The following MEI4 variants were observed in gnomAD, a reference collection of about 807,000 sequenced individuals.
The protein encoded by MEI4 is meiotic double-stranded break formation protein 4.
A neutral mutation model predicts 31.4 loss-of-function variants in MEI4; 27 were observed. The observed-to-expected ratio is 0.86, with a 90% CI of 0.63 to 1.19. MEI4 has a LOEUF of 1.19. Among genes scored for constraint, MEI4 ranks in the 50% most tolerant of loss-of-function variants. The probability of loss-of-function intolerance (pLI) is 0.00; values close to 1 mark genes in which losing one functional copy is unlikely to be tolerated. For missense variants in MEI4, 329 were observed against 398.9 expected (o/e 0.82, Z 1.49); for synonymous variants, 122 against 145.4 (o/e 0.84, Z 1.16).
At chr6:77,694,090 C>CT (rs1480730699) in intron 2 of MEI4, among the ~76,000 whole-genome samples, 2 of 151,460 alleles carry the variant, frequency 1.3e-5, no homozygotes, top group East Asian at 1.9e-4. Flanking sequence ...TTCTTTCTTT[C>CT]TTTTTTTTAA....
intron 4 of MEI4, among the ~76,000 whole-genome samples, chr6:77,849,432 T>C (rs1165201790): frequency 3.3e-5 from 5 of 152,100 alleles, no homozygotes; most frequent in African/African-American, 7.2e-5. Flanking sequence ...GTGAGAGGGG[T>C]GAACTGACAG....
intron 4 of MEI4, among the ~76,000 whole-genome samples, chr6:77,909,931 C>CATATA (rs1324620684): frequency 5.3e-5 from 8 of 152,122 alleles, no homozygotes; most frequent in African/African-American, 1.7e-4. Flanking sequence ...TGTAATCCAG[C>CATATA]ATATAAATAG....
At chr6:77,660,794 A>C (rs1768490348) in intron 1 of MEI4, among the ~76,000 whole-genome samples, 1 of 152,106 alleles carries the variant, frequency 6.6e-6, no homozygotes, top group African/African-American at 2.4e-5. Context: ...GGAATGGTGA[A>C]CCCAGTGGGG....
intron 4 of MEI4, among the ~76,000 whole-genome samples, chr6:77,907,448 C>T (rs1766322515): frequency 6.6e-6 from 1 of 152,104 alleles, no homozygotes; most frequent in African/African-American, 2.4e-5. Context: ...TCATCCATGT[C>T]CCTACAAAGG....
rs1768101816 is a variant in MEI4, at chr6:77,763,866, T to C, written c.768+2201T>C. Among the ~76,000 whole-genome samples, 6 of 151,898 alleles carry C rather than the reference T, an allele frequency of 4.0e-5. No individual in the cohort carries two copies. In the South Asian group the frequency reaches 1.2e-3, roughly 31 times the overall value. ...GTCTCACTCTGTCACCAGGTTGGAG[T>C]GCCGTGGCACAATCTTGGCTCACTG... On this transcript the variant is annotated intron_variant, in intron 3 of 4. Coordinates refer to ENST00000684080, the MANE Select transcript of MEI4 (RefSeq NM_001322247.2).
chr6:77,734,715 G>A (rs1190686630), intron 2 of MEI4, among the ~76,000 whole-genome samples: 2 of 151,844 alleles, frequency 1.3e-5, no homozygotes, highest in Non-Finnish European at 2.9e-5. Context: ...AGTTGATGCA[G>A]TTTCTTCCTA....
At chr6:77,872,815 G>C (rs1771230705) in intron 4 of MEI4, among the ~76,000 whole-genome samples, 1 of 146,858 alleles carries the variant, frequency 6.8e-6, no homozygotes, top group African/African-American at 2.5e-5. Context: ...CCACCTATGA[G>C]TGAGAACATG....
At chr6:77,828,516 T>C (rs1770007718) in intron 3 of MEI4, among the ~76,000 whole-genome samples, 2 of 152,050 alleles carry the variant, frequency 1.3e-5, no homozygotes, top group South Asian at 4.1e-4. Flanking sequence ...CCCCCTTCCA[T>C]GGAAAAATTG....
chr6:77,884,314 T>C (rs932425330), intron 4 of MEI4, among the ~76,000 whole-genome samples: 1 of 152,186 alleles, frequency 6.6e-6, no homozygotes, highest in Non-Finnish European at 1.5e-5. Flanking sequence ...GTTCCTTCAC[T>C]CTGTTGATTT....
chr6:77,684,882 G>A (rs1253454004), intron 1 of MEI4, among the ~76,000 whole-genome samples: 1 of 152,110 alleles, frequency 6.6e-6, no homozygotes, highest in Non-Finnish European at 1.5e-5. Flanking sequence ...TGAGATTGCT[G>A]CACATATGGT....
At chr6:77,719,350 C>T (rs1386206406) in intron 2 of MEI4, among the ~76,000 whole-genome samples, 1 of 134,708 alleles carries the variant, frequency 7.4e-6, no homozygotes, top group African/African-American at 2.9e-5. Context: ...TTACCCGTGG[C>T]CTGAGTGACA....
At chr6:77,850,737 A>G (rs1161877781) in intron 4 of MEI4, among the ~76,000 whole-genome samples, 2 of 152,234 alleles carry the variant, frequency 1.3e-5, no homozygotes, top group African/African-American at 4.8e-5. Flanking sequence ...CAAGGACTTC[A>G]TGTCTAAAAC....
chr6:77,732,954 G>A (rs1202965184), intron 2 of MEI4, among the ~76,000 whole-genome samples: 2 of 151,088 alleles, frequency 1.3e-5, no homozygotes, highest in Non-Finnish European at 2.9e-5. Flanking sequence ...TATTGAACCA[G>A]CCTTGCATCC....
chr6:77,666,893 G>GTGCA (rs1233349798), intron 1 of MEI4, among the ~76,000 whole-genome samples: 2 of 140,446 alleles, frequency 1.4e-5, no homozygotes, highest in African/African-American at 5.1e-5. Context: ...GCGTGCGTGC[G>GTGCA]TGCGTGCATG....
chr6:77,691,592 T>A (rs574669104), intron 2 of MEI4, among the ~76,000 whole-genome samples: 2 of 152,098 alleles, frequency 1.3e-5, no homozygotes, highest in African/African-American at 4.8e-5. Flanking sequence ...AGAACACTTG[T>A]AAGGCAAAGA....
At chr6:77,765,224 TTTGTTACTTTTC>T (rs1768141335) in intron 3 of MEI4, among the ~76,000 whole-genome samples, 1 of 149,554 alleles carries the variant, frequency 6.7e-6, no homozygotes, top group African/African-American at 2.6e-5. Context: ...AATGTTTCTT[TTTGTTACTTTTC>T]TCTTGAGGAA....
At chr6:77,710,176 A>G (rs1366568567) in intron 2 of MEI4, among the ~76,000 whole-genome samples, 1 of 152,182 alleles carries the variant, frequency 6.6e-6, no homozygotes, top group Non-Finnish European at 1.5e-5. Context: ...AGTAAATACC[A>G]TATGAATCCA....
chr6:77,838,266 G>A (rs1770271891), intron 4 of MEI4, among the ~76,000 whole-genome samples: 1 of 151,620 alleles, frequency 6.6e-6, no homozygotes, highest in Admixed American at 6.6e-5. Context: ...TTTACTGTAG[G>A]TATGTAAATT....
At position 77,848,881 on chromosome 6, in the gene MEI4, A is replaced by G. The variant is rs559253285; in HGVS notation, c.900+19819A>G. Among the ~76,000 whole-genome samples the G allele has an allele frequency of 9.2e-5, 14 of 152,284 alleles. No homozygotes were observed. In the South Asian group the frequency reaches 2.9e-3, roughly 32 times the overall value. ...TGTGTATTATTATCAATATTGTGAT[A>G]TTTATTGAGTTCTTACTATGGGGGA... On this transcript the variant is annotated intron_variant, in intron 4 of 4. Coordinates refer to ENST00000684080, the MANE Select transcript of MEI4 (RefSeq NM_001322247.2).
Sources: gnomAD v4.1 joint callset for allele counts (sites outside exome capture counted in the v4.1 genomes callset) on GRCh38, gnomAD v4.1.1 for gene constraint, MANE v1.5 for transcripts, NCBI Gene and HGNC (gene_info 2026-07-23, HGNC 2026-07-21) for gene names.